The following NCALD variants were observed in gnomAD, a reference collection of about 807,000 sequenced individuals.
NCALD encodes the protein neurocalcin-delta.
In NCALD, 10 loss-of-function variants were observed where a neutral mutation model predicts 18.6. That is an observed-to-expected ratio of 0.54 (90% CI 0.33 to 0.91). The LOEUF is 0.91. Ranked by LOEUF, NCALD falls within the 40% of genes least tolerant of loss-of-function variation. The probability of loss-of-function intolerance (pLI) is 0.03; values close to 1 mark genes in which losing one functional copy is unlikely to be tolerated. For missense variants in NCALD, 184 were observed against 247.6 expected, an observed-to-expected ratio of 0.74 and a Z score of 1.72; for synonymous variants, 88 against 87.4, an observed-to-expected ratio of 1.01 and a Z score of -0.04.
chr8:101,773,867 T>C (rs1290927702), intron 1 of NCALD, among the ~76,000 whole-genome samples: 1 of 152,216 alleles, frequency 6.6e-6, no homozygotes, highest in Non-Finnish European at 1.5e-5. Context: ...GACACGACTC[T>C]GATTATTATG....
intron 1 of NCALD, among the ~76,000 whole-genome samples, chr8:101,776,620 T>C (rs1811802395): frequency 6.6e-6 from 1 of 152,098 alleles, no homozygotes; most frequent in African/African-American, 2.4e-5. Context: ...TCATGCTTTA[T>C]CCATTCCAGC....
chr8:102,012,974 TATACACAC>T (rs1410363168), intron 2 of NCALD, among the ~76,000 whole-genome samples: 1 of 152,158 alleles, frequency 6.6e-6, no homozygotes, highest in African/African-American at 2.4e-5. Flanking sequence ...TATTTTTATA[TATACACAC>T]ATACACTCAC....
intron 1 of NCALD, among the ~76,000 whole-genome samples, chr8:102,024,869 A>G (rs551332643): frequency 6.6e-6 from 1 of 152,340 alleles, no homozygotes; most frequent in South Asian, 2.1e-4. Context: ...AGAAGAACTC[A>G]AAATTCAACA....
chr8:101,861,949 G>T (rs1222739901), intron 4 of NCALD, among the ~76,000 whole-genome samples: 1 of 152,130 alleles, frequency 6.6e-6, no homozygotes, highest in Non-Finnish European at 1.5e-5. Flanking sequence ...ACATTTCCTT[G>T]CCCTCAGGGA....
chr8:102,117,132 C>G (rs1340600088), intron 1 of NCALD, among the ~76,000 whole-genome samples: 2 of 152,216 alleles, frequency 1.3e-5, no homozygotes, highest in Non-Finnish European at 2.9e-5. Flanking sequence ...AGACTTCTAG[C>G]CTCCGGAGCC....
intron 1 of NCALD, among the ~76,000 whole-genome samples, chr8:101,744,229 G>T (rs1810333519): frequency 6.6e-6 from 1 of 152,156 alleles, no homozygotes; most frequent in Non-Finnish European, 1.5e-5. Context: ...CTCATCTACT[G>T]CAGGCAGGGA....
intron 3 of NCALD, among the ~76,000 whole-genome samples, chr8:101,889,241 G>T (rs924197116): frequency 1.2e-4 from 19 of 152,226 alleles, no homozygotes; most frequent in African/African-American, 4.6e-4. Context: ...GCTGAAAGAA[G>T]GAGTCACTGC....
chr8:101,698,761 C>A (rs1815120301), intron 2 of NCALD, among the ~76,000 whole-genome samples: 1 of 152,140 alleles, frequency 6.6e-6, no homozygotes, highest in African/African-American at 2.4e-5. Flanking sequence ...CTTCCTTACA[C>A]CTTATACAAA....
intron 2 of NCALD, among the ~76,000 whole-genome samples, chr8:101,716,359 A>G (rs1298891918): frequency 4.6e-5 from 7 of 152,116 alleles, no homozygotes; most frequent in Non-Finnish European, 8.8e-5. Context: ...TAGGAGAAAT[A>G]CCTAATGTAA....
chr8:102,109,814 A>G (rs552369234), intron 1 of NCALD, among the ~76,000 whole-genome samples: 49 of 152,238 alleles, frequency 3.2e-4, no homozygotes, highest in Non-Finnish European at 5.3e-4. Context: ...GTAAAATAAA[A>G]TATGCACAAT....
intron 2 of NCALD, among the ~76,000 whole-genome samples, chr8:101,954,135 G>A (rs1225333051): frequency 6.6e-6 from 1 of 152,168 alleles, no homozygotes; most frequent in South Asian, 2.1e-4. Context: ...TCCAGGGTAT[G>A]GGCCGTCCTA....
intron 2 of NCALD, among the ~76,000 whole-genome samples, chr8:102,000,261 G>A (rs1458106791): frequency 1.4e-4 from 22 of 152,096 alleles, no homozygotes; most frequent in Admixed American, 1.3e-3. Flanking sequence ...CTACACCCAC[G>A]GAGCCGTGCT....
chr8:101,998,350 G>T (rs868345469), intron 2 of NCALD, among the ~76,000 whole-genome samples: 25 of 152,144 alleles, frequency 1.6e-4, no homozygotes, highest in African/African-American at 6.0e-4. Flanking sequence ...GGGCGATTTT[G>T]CTGGTATTCC....
At chr8:102,051,162 T>A (rs1823444739) in intron 1 of NCALD, among the ~76,000 whole-genome samples, 1 of 152,150 alleles carries the variant, frequency 6.6e-6, no homozygotes, top group South Asian at 2.1e-4. Flanking sequence ...TGTTTTGACC[T>A]GCTTGTAAAT....
chr8:101,839,312 T>C (rs890941668), intron 4 of NCALD, among the ~76,000 whole-genome samples: 2 of 151,842 alleles, frequency 1.3e-5, no homozygotes, highest in African/African-American at 4.8e-5. Context: ...AAGCTGTATG[T>C]CCTGTTCATG....
At position 101,755,505 on chromosome 8, in the gene NCALD, G is replaced by A. The variant is rs367785752; in HGVS notation, c.-20+35357C>T. ...GGACACAGATCATTTTCATGCTCAT[G>A]ACTCTTCCTTACCTCTTTCCTCCAC... On this transcript the variant is annotated intron_variant, in intron 1 of 3. Transcript: ENST00000220931. 1.1e-4 allele frequency among the ~76,000 whole-genome samples: 17 copies of A among 152,264 alleles called. No homozygotes were observed. The East Asian group carries it at 3.1e-3, about 28-fold the overall frequency.
intron 1 of NCALD, among the ~76,000 whole-genome samples, chr8:102,122,490 G>C (rs1825972322): frequency 6.6e-6 from 1 of 152,160 alleles, no homozygotes; most frequent in Non-Finnish European, 1.5e-5. Context: ...AACAATTCAG[G>C]CAAGAAGTGC....
chr8:101,974,779 T>C (rs545197825), intron 2 of NCALD, among the ~76,000 whole-genome samples: 5 of 152,238 alleles, frequency 3.3e-5, no homozygotes, highest in Admixed American at 6.5e-5. Context: ...AAATTATACA[T>C]ACATTCAGGG....
chr8:101,702,913 C>T (rs977185740), intron 2 of NCALD, among the ~76,000 whole-genome samples: 1 of 152,250 alleles, frequency 6.6e-6, no homozygotes, highest in African/African-American at 2.4e-5. Context: ...CTTATTTTAT[C>T]CCCTTCTCAA....
Sources: allele counts gnomAD v4.1 joint callset (sites outside exome capture counted in the v4.1 genomes callset), GRCh38; gene constraint gnomAD v4.1.1; transcripts MANE v1.5; gene names NCBI Gene and HGNC (gene_info 2026-07-23, HGNC 2026-07-21).